The following MAP3K15 variants were observed in gnomAD, a reference collection of about 807,000 sequenced individuals.
MAP3K15 encodes the protein mitogen-activated protein kinase kinase kinase 15, also known as MAPK/ERK kinase kinase 15.
In MAP3K15, 124 loss-of-function variants were observed where a neutral mutation model predicts 99.5. The ratio of observed to expected loss-of-function variants is 1.25; its 90% CI spans 1.08 to 1.45. The LOEUF (loss-of-function observed/expected upper bound fraction) is 1.45, where lower values mean the gene tolerates loss of function less well. MAP3K15 is among the 40% of genes most tolerant of loss of function. The pLI is 0.00. For synonymous variants in MAP3K15, 494 were observed against 439.6 expected, an observed-to-expected ratio of 1.12 and a Z score of -1.55; for missense variants, 1,242 against 1,079.7, an observed-to-expected ratio of 1.15 and a Z score of -2.11.
At chrX:19,506,146 C>T (rs768279236) in intron 1 of MAP3K15, among the ~76,000 whole-genome samples, 2 of 112,099 alleles carry the variant, frequency 1.8e-5, no homozygotes, top group Admixed American at 9.5e-5. Context: ...GTTAGCCAAG[C>T]TGGTCTCCAA....
At chrX:19,463,602 A>C (rs1290242122) in intron 4 of MAP3K15, among the ~76,000 whole-genome samples, 1 of 112,214 alleles carries the variant, frequency 8.9e-6, no homozygotes, top group East Asian at 2.8e-4. Context: ...AGGCTCCAAT[A>C]GGTGAGCTGA....
At chrX:19,404,840 A>G (rs975077348) in intron 13 of MAP3K15, among the ~76,000 whole-genome samples, 5 of 111,901 alleles carry the variant, frequency 4.5e-5, no homozygotes, top group African/African-American at 1.6e-4. Context: ...TGGAACCCCT[A>G]CCTTACACCA....
At chrX:19,431,981 A>G (rs1401624060) in intron 6 of MAP3K15, among the ~76,000 whole-genome samples, 1 of 104,566 alleles carries the variant, frequency 9.6e-6, no homozygotes, top group Non-Finnish European at 2.0e-5. Flanking sequence ...AGTGAAATAC[A>G]TATACGCATT....
chrX:19,415,370 T>C (rs1212073933), intron 9 of MAP3K15, 113 bp from the exon 10 acceptor site: 2 of 698,266 alleles, frequency 2.9e-6, no homozygotes, highest in Non-Finnish European at 3.9e-6. Flanking sequence ...TCATATTATG[T>C]CATGAGTGCT....
At position 19,370,995 on chromosome X, in the gene MAP3K15, G is replaced by A. The variant is rs140104197; in HGVS notation, c.3364C>T (p.Arg1122Ter). The A allele has an allele frequency of 9.5e-4, 1,111 of 1,171,164 alleles. 1 individual carries two copies. Among genetic ancestry groups the A allele is most frequent in the Non-Finnish European group, 1.0e-3 (909 of 882,554 alleles). Reference sequence around the variant, plus strand: ...ATGGTGACCGCGGCCTGCACCGCTCGGCGGATGATGTTGTCCATCGCGAAC... The same window carrying A: ...ATGGTGACCGCGGCCTGCACCGCTCAGCGGATGATGTTGTCCATCGCGAAC... ...WMFAMDNIIR[R>*]AVQAAVTILI... is the part of the protein sequence containing the mutation. The change falls in exon 24 of 29, where the codon CGA becomes TGA. Residue 1122 changes from arginine to a stop codon, truncating the protein, a stop_gained. Coordinates refer to ENST00000338883, the MANE Select transcript of MAP3K15 (RefSeq NM_001001671.4). LOFTEE classifies it high-confidence loss of function.
At chrX:19,512,245 T>G (rs2064524311) in intron 1 of MAP3K15, among the ~76,000 whole-genome samples, 1 of 111,324 alleles carries the variant, frequency 9.0e-6, no homozygotes, top group African/African-American at 3.3e-5. Flanking sequence ...ACAGGTTGAT[T>G]GGTGCAGCAA....
intron 3 of MAP3K15, among the ~76,000 whole-genome samples, chrX:19,486,224 T>C (rs1314681993): frequency 2.7e-5 from 3 of 111,545 alleles, no homozygotes; most frequent in African/African-American, 9.8e-5. Context: ...CAGCTCAAAG[T>C]CCCAGCAGGT....
intron 14 of MAP3K15, among the ~76,000 whole-genome samples, chrX:19,400,060 G>A (rs1017797499): frequency 8.0e-5 from 9 of 112,156 alleles, no homozygotes; most frequent in African/African-American, 2.9e-4. Flanking sequence ...GGAAGAACCT[G>A]AGTGAGTGGC....
At chrX:19,381,533 C>T (rs2063458169) in intron 18 of MAP3K15, among the ~76,000 whole-genome samples, 1 of 111,961 alleles carries the variant, frequency 8.9e-6, no homozygotes, top group African/African-American at 3.2e-5. Flanking sequence ...GGTCCTGCTG[C>T]GAAGGCTGGA....
Position 19,424,812 on chromosome X carries a change from A to AT in MAP3K15, c.1439+718dup, listed in dbSNP as rs34164536. ...CAGGCGTGCACCACCATGCCTGGCT[A>AT]TTTTTTTTTTTTTTTGTAGACACTG... On this transcript the variant is annotated intron_variant, in intron 9 of 28. Coordinates refer to ENST00000338883, the MANE Select transcript of MAP3K15 (RefSeq NM_001001671.4). Among the ~76,000 whole-genome samples the AT allele has an allele frequency of 8.9e-3, 843 of 95,251 alleles. 2 individuals carry two copies. Among genetic ancestry groups the AT allele is most frequent in the Non-Finnish European group, 0.01 (474 of 47,139 alleles). The allele number at this position is 95,251 out of a possible 115,157, so 82.7% of individuals were successfully genotyped here.
intron 1 of MAP3K15, among the ~76,000 whole-genome samples, chrX:19,509,828 C>T (rs1165433311): frequency 9.0e-6 from 1 of 110,924 alleles, no homozygotes; most frequent in Admixed American, 9.7e-5. Flanking sequence ...AAAAGATCAA[C>T]AAAATTGATA....
intron 1 of MAP3K15, among the ~76,000 whole-genome samples, chrX:19,507,021 C>A (rs2064481952): frequency 8.9e-6 from 1 of 112,106 alleles, no homozygotes. Context: ...CCAGACACAA[C>A]AGGTATGGGA....
chrX:19,512,786 C>A (rs1186762407), intron 1 of MAP3K15, among the ~76,000 whole-genome samples: 1 of 110,699 alleles, frequency 9.0e-6, no homozygotes. Context: ...GCCACTAGTG[C>A]AACTAAGGAT....
chrX:19,368,846 T>TG (rs2063354152), intron 25 of MAP3K15, among the ~76,000 whole-genome samples: 1 of 109,994 alleles, frequency 9.1e-6, no homozygotes, highest in African/African-American at 3.3e-5. Flanking sequence ...TCTGAGTTTT[T>TG]TTTTTTTTTT....
Position 19,488,967 on chromosome X carries a change from T to C in MAP3K15, c.362A>G (p.Asp121Gly). ...TAVLDAFYDA[D>G]VAVVDMSDVS... ...ATCGCTCATGTCTACCACAGCAACATCTGCAATGAACAAGGAGAGGACAGG... is the reference window on the plus strand; with the variant it reads ...ATCGCTCATGTCTACCACAGCAACACCTGCAATGAACAAGGAGAGGACAGG... Residue 121 changes from aspartate to glycine, a missense_variant and splice_region_variant, in exon 2 of 29, where the codon GAT becomes GGT. Physicochemically the swap from Asp to Gly is moderately conservative, Grantham distance 94. Coordinates refer to ENST00000338883, the MANE Select transcript of MAP3K15 (RefSeq NM_001001671.4). The C allele has an allele frequency of 8.4e-7, 1 of 1,197,515 alleles. No individual in the cohort carries two copies.
chrX:19,374,438 T>TG (rs760668593), intron 20 of MAP3K15, 39 bp downstream of exon 20: 24 of 1,165,626 alleles, frequency 2.1e-5, no homozygotes, highest in Admixed American at 6.8e-5. Context: ...AGCATTCTTG[T>TG]GGCCAGGGTG....
chrX:19,414,018 G>A (rs372779511), intron 10 of MAP3K15, among the ~76,000 whole-genome samples: 2 of 109,281 alleles, frequency 1.8e-5, no homozygotes, highest in East Asian at 5.8e-4. Flanking sequence ...AAAATTAGAT[G>A]GGTGTGGTGG....
At chrX:19,447,660 G>A (rs2064008733) in intron 6 of MAP3K15, among the ~76,000 whole-genome samples, 1 of 103,537 alleles carries the variant, frequency 9.7e-6, no homozygotes, top group South Asian at 4.8e-4. Context: ...GAGGCAGGCA[G>A]ATCACGAGGT....
rs139451743 is a variant in MAP3K15, at chrX:19,373,679, G to A, written c.2790C>T (p.Val930=). 134 of 1,197,834 alleles carry A rather than the reference G, an allele frequency of 1.1e-4. No individual in the cohort carries two copies. The highest frequency in any genetic ancestry group is 2.8e-4 in the African/African-American group (16 of 57,003). Residue 930 remains valine, a synonymous_variant, in exon 21 of 29, where the codon GTC becomes GTT. Coordinates refer to ENST00000338883, the MANE Select transcript of MAP3K15 (RefSeq NM_001001671.4). ...CTCCCTGTGTGGGCAGGGCCAGGAC[G>A]ACACCGCGGGGACCTTCTGTAGGGG... ...AFKPSEGPRG[V]VLALPTQGEP... is the part of the protein sequence containing the mutation.
Sources: gnomAD v4.1 joint callset for allele counts (sites outside exome capture counted in the v4.1 genomes callset) on GRCh38, gnomAD v4.1.1 for gene constraint, MANE v1.5 for transcripts, NCBI Gene and HGNC (gene_info 2026-07-23, HGNC 2026-07-21) for gene names.